Variants in RELN observed in about 807,000 individuals in gnomAD.
RELN encodes reelin.
RELN carries 108 observed loss-of-function variants against 427.6 expected under a neutral mutation model. The observed-to-expected ratio is 0.25, with a 90% CI of 0.22 to 0.30. The LOEUF is 0.30. Among genes scored for constraint, RELN ranks in the 10% least tolerant of loss-of-function variants. The probability of loss-of-function intolerance (pLI) is 1.00; values close to 1 mark genes in which losing one functional copy is unlikely to be tolerated. For synonymous variants in RELN, 1,524 were observed against 1,513.4 expected, an observed-to-expected ratio of 1.01 and a Z score of -0.16; for missense variants, 3,715 against 4,302.8, an observed-to-expected ratio of 0.86 and a Z score of 3.82.
At chr7:103,595,301 T>C (rs1831512345) in intron 25 of RELN, among the ~76,000 whole-genome samples, 1 of 152,204 alleles carries the variant, frequency 6.6e-6, no homozygotes, top group African/African-American at 2.4e-5. Flanking sequence ...CCCTCTCTAC[T>C]ATATTGCATC....
At chr7:103,832,164 G>A (rs548068998) in intron 3 of RELN, among the ~76,000 whole-genome samples, 154 of 152,260 alleles carry the variant, frequency 1.0e-3, no homozygotes, top group Admixed American at 1.8e-3. Context: ...CAAGAGGGAA[G>A]AAAAGGCAGT....
chr7:103,819,080 G>A (rs1318300065), intron 3 of RELN, among the ~76,000 whole-genome samples: 3 of 152,088 alleles, frequency 2.0e-5, no homozygotes, highest in Non-Finnish European at 4.4e-5. Flanking sequence ...ACATGTGCAG[G>A]TGTCAGTGTG....
chr7:103,719,207 A>G (rs187036240), intron 8 of RELN, among the ~76,000 whole-genome samples: 73 of 152,270 alleles, frequency 4.8e-4, no homozygotes, highest in Admixed American at 8.5e-4. Flanking sequence ...TTTATCTGAC[A>G]TTGCTCATAG....
rs362663 is a variant in RELN at position 103,593,004 on chromosome 7, T to C, written c.3912+678A>G. 9.9e-3 allele frequency among the ~76,000 whole-genome samples: 1,513 copies of C among 152,322 alleles called. 20 individuals are homozygous for C. Among genetic ancestry groups the C allele is most frequent in the African/African-American group, 0.034 (1,425 of 41,574 alleles). On this transcript the variant is annotated intron_variant, in intron 27 of 64. Transcript: ENST00000428762. Reference sequence around the variant, plus strand: ...ACATCTGATCTCTTTAATAATTCCATTTGTAAATTATTTAGCATCTGCATC... The same window carrying C: ...ACATCTGATCTCTTTAATAATTCCACTTGTAAATTATTTAGCATCTGCATC...
At chr7:103,549,712 G>C (rs1173976986) in intron 41 of RELN, among the ~76,000 whole-genome samples, 1 of 152,214 alleles carries the variant, frequency 6.6e-6, no homozygotes, top group Non-Finnish European at 1.5e-5. Flanking sequence ...AACTTCTGTT[G>C]CTAAGTCCCC....
intron 3 of RELN, among the ~76,000 whole-genome samples, chr7:103,820,233 G>A (rs1792980664): frequency 6.6e-6 from 1 of 151,850 alleles, no homozygotes. Flanking sequence ...AGTAGTAATA[G>A]CACTTCATTT....
At position 103,640,817 on chromosome 7, in the gene RELN, A is replaced by AT. The variant is rs1427659666; in HGVS notation, c.2003-209dup. 2.0e-5 allele frequency among the ~76,000 whole-genome samples: 3 copies of AT among 152,210 alleles called. No individual in the cohort carries two copies. The East Asian group carries it at 5.8e-4, about 29-fold the overall frequency. ...AAGTTATACAGATAATCCTTTTAAG[A>AT]TTTTAACATTTCATATCAAAGAAGA... is the stretch of plus-strand genomic sequence containing the variant. On this transcript the variant is annotated intron_variant, in intron 16 of 64. Coordinates refer to ENST00000428762, the MANE Select transcript of RELN (RefSeq NM_005045.4). The surrounding 1 kb of genome is among the most constrained non-coding windows in gnomAD (Gnocchi z 4.1).
intron 38 of RELN, among the ~76,000 whole-genome samples, chr7:103,556,406 A>G (rs1249360276): frequency 6.8e-6 from 1 of 145,992 alleles, no homozygotes; most frequent in East Asian, 2.0e-4. Context: ...CACTAGTCAA[A>G]TATGAAGAGA....
chr7:103,640,668 T>A lies in RELN; in HGVS notation c.2003-59A>T, dbSNP rs1219075859. On this transcript the variant is annotated intron_variant, in intron 16 of 64. Coordinates refer to ENST00000428762, the MANE Select transcript of RELN (RefSeq NM_005045.4). The surrounding 1 kb of genome is among the most constrained non-coding windows in gnomAD (Gnocchi z 4.1). ...AACATAGAACACTACCAGTACAATT[T>A]TGTGAAGTAATACTCATGAAATATG... 5 of 1,562,040 alleles carry A rather than the reference T, an allele frequency of 3.2e-6. No homozygotes were observed. The African/African-American group carries it at 4.1e-5, about 13-fold the overall frequency.
intron 24 of RELN, among the ~76,000 whole-genome samples, chr7:103,602,422 G>C (rs1232308066): frequency 6.6e-6 from 1 of 152,144 alleles, no homozygotes; most frequent in African/African-American, 2.4e-5. Flanking sequence ...CAAAGACTTG[G>C]AACCAATCCA....
intron 52 of RELN, among the ~76,000 whole-genome samples, chr7:103,501,822 C>T (rs776787941): frequency 2.0e-5 from 3 of 152,180 alleles, no homozygotes; most frequent in Non-Finnish European, 4.4e-5. Context: ...TAATCATTTC[C>T]TAACTCAACT....
At chr7:103,832,641 C>T (rs1207664330) in intron 3 of RELN, among the ~76,000 whole-genome samples, 1 of 152,106 alleles carries the variant, frequency 6.6e-6, no homozygotes, top group East Asian at 1.9e-4. Flanking sequence ...GGGGTATAGT[C>T]CACATCAACA....
intron 2 of RELN, among the ~76,000 whole-genome samples, chr7:103,889,412 ATG>A: frequency 6.6e-6 from 1 of 152,320 alleles, no homozygotes; most frequent in Non-Finnish European, 1.5e-5. Context: ...CAAGAACTTA[ATG>A]TGTAACTTAC....
At chr7:103,727,619 A>G (rs892696527) in intron 7 of RELN, among the ~76,000 whole-genome samples, 8 of 152,182 alleles carry the variant, frequency 5.3e-5, no homozygotes, top group African/African-American at 1.9e-4. Context: ...GAGATGAATC[A>G]AAATTTTTAA....
In RELN at chr7:103,682,190, G is replaced by A; in HGVS notation, c.1215C>T (p.Thr405=). The A allele has an allele frequency of 6.2e-7, 1 of 1,613,862 alleles. No homozygotes were observed. The highest frequency in any genetic ancestry group is 8.5e-7 in the Non-Finnish European group (1 of 1,179,830). Reference sequence around the variant, plus strand: ...CTGTGGAAAGATCTACATCCCTGGTGGTGGCAAAATTGAACTCGCTGCCTT... The same window carrying A: ...CTGTGGAAAGATCTACATCCCTGGTAGTGGCAAAATTGAACTCGCTGCCTT... ...GNEGSEFNFA[T]TRDVDLSTED... Residue 405 remains threonine (T), a synonymous_variant, in exon 11 of 65, where the codon ACC becomes ACT. Coordinates refer to ENST00000428762, the MANE Select transcript of RELN (RefSeq NM_005045.4).
intron 2 of RELN, among the ~76,000 whole-genome samples, chr7:103,902,003 T>C (rs1250048050): frequency 6.6e-6 from 1 of 152,050 alleles, no homozygotes; most frequent in African/African-American, 2.4e-5. Context: ...TATTAATATA[T>C]CATGTAGCAC....
At chr7:103,908,551 C>G (rs1795269976) in intron 2 of RELN, among the ~76,000 whole-genome samples, 1 of 152,164 alleles carries the variant, frequency 6.6e-6, no homozygotes, top group Non-Finnish European at 1.5e-5. Context: ...CTGACTTTCT[C>G]TACTAACTCC....
intron 28 of RELN, 75 bp from the exon 29 acceptor site, chr7:103,575,780 G>A: frequency 1.3e-6 from 2 of 1,523,198 alleles, no homozygotes; most frequent in South Asian, 2.2e-5. Flanking sequence ...GAAAAATTCA[G>A]AAAAACTCAA....
rs752821338 is a variant in RELN, at chr7:103,749,480, A to G, written c.602T>C (p.Ile201Thr). The change falls in exon 6 of 65, where the codon ATC (isoleucine) becomes ACC (threonine). Residue 201 changes from isoleucine to threonine, a missense_variant. Ile to Thr is a moderately conservative substitution (Grantham distance 89, BLOSUM62 -1). Coordinates refer to ENST00000428762, the MANE Select transcript of RELN (RefSeq NM_005045.4). ...HLAEIHSDSI[I>T]LRDDFDSYHQ... is the part of the protein sequence containing the mutation. ...GTAGGAGTCAAAGTCATCTCTCAGG[A>G]TAATGCTGTCACTATGTATTTCAGC... 2.5e-6 allele frequency: 4 copies of G among 1,612,860 alleles called. No individual in the cohort carries two copies. Among genetic ancestry groups the G allele is most frequent in the Non-Finnish European group, 3.4e-6 (4 of 1,178,900 alleles).
Sources: allele counts gnomAD v4.1 joint callset (sites outside exome capture counted in the v4.1 genomes callset), GRCh38; gene constraint gnomAD v4.1.1; non-coding constraint Gnocchi (gnomAD v3.1); transcripts MANE v1.5; gene names NCBI Gene and HGNC (gene_info 2026-07-23, HGNC 2026-07-21).